NBEA: variants seen among roughly 807,000 people sequenced by gnomAD.
NBEA encodes the protein lysosomal-trafficking regulator 2.
In NBEA, 44 loss-of-function variants were observed where a neutral mutation model predicts 343.4. That is an observed-to-expected ratio of 0.13 (90% CI 0.10 to 0.16). The LOEUF is 0.16. Ranked by LOEUF, NBEA falls within the 10% of genes least tolerant of loss-of-function variation. The probability of loss-of-function intolerance (pLI) is 1.00; values close to 1 mark genes in which losing one functional copy is unlikely to be tolerated. For synonymous variants in NBEA, 1,175 were observed against 1,238.7 expected, an observed-to-expected ratio of 0.95 and a Z score of 1.08; for missense variants, 2,555 against 3,631.3, an observed-to-expected ratio of 0.70 and a Z score of 7.62.
rs1047080717 is a variant in NBEA at position 35,311,198 on chromosome 13, G to A, written c.5903+1606G>A. Among the ~76,000 whole-genome samples the A allele has an allele frequency of 4.6e-5, 7 of 152,066 alleles. No homozygotes were observed. The East Asian group carries it at 5.8e-4, about 13-fold the overall frequency. On this transcript the variant is annotated intron_variant, in intron 36 of 58. Transcript: ENST00000379939. ...TAAGAGTTACTAACAATTATTATCC[G>A]TTTTCAGGTGATGAATAAACAGAAA...
chr13:35,545,750 T>C (rs572738922), intron 41 of NBEA, among the ~76,000 whole-genome samples: 1 of 152,304 alleles, frequency 6.6e-6, no homozygotes, highest in South Asian at 2.1e-4. Flanking sequence ...CCTTTCATTG[T>C]AAAGGTAGTG....
intron 41 of NBEA, among the ~76,000 whole-genome samples, chr13:35,496,699 CTG>C (rs1432709470): frequency 1.3e-5 from 2 of 150,960 alleles, no homozygotes; most frequent in African/African-American, 4.9e-5. Flanking sequence ...TTTTTAATAG[CTG>C]TTCTTCTAGC....
intron 38 of NBEA, among the ~76,000 whole-genome samples, chr13:35,381,731 T>C (rs2042021437): frequency 6.6e-6 from 1 of 151,998 alleles, no homozygotes; most frequent in African/African-American, 2.4e-5. Context: ...TAAGGAAATA[T>C]ATCTTGAGAG....
chr13:35,475,133 C>G, intron 41 of NBEA: 2 of 1,614,060 alleles, frequency 1.2e-6, no homozygotes. Context: ...GCAGCGTTTT[C>G]CAGAGCTGAG....
At chr13:35,246,763 G>C (rs535346336) in intron 34 of NBEA, among the ~76,000 whole-genome samples, 9 of 152,338 alleles carry the variant, frequency 5.9e-5, no homozygotes, top group African/African-American at 2.2e-4. Flanking sequence ...CTGGCTGGCA[G>C]GAGGTGGTGC....
chr13:35,333,510 C>T (rs768080224), intron 36 of NBEA, among the ~76,000 whole-genome samples: 54 of 152,052 alleles, frequency 3.6e-4, no homozygotes, highest in South Asian at 8.3e-4. Flanking sequence ...GGGTATCCAG[C>T]GCCTCAGGCA....
chr13:35,651,165 T>C (rs1363798665), intron 52 of NBEA, among the ~76,000 whole-genome samples: 1 of 152,244 alleles, frequency 6.6e-6, no homozygotes, highest in African/African-American at 2.4e-5. Flanking sequence ...ATATATTGTA[T>C]AATCACGTGT....
chr13:34,996,346 A>G (rs1049137518), intron 1 of NBEA, among the ~76,000 whole-genome samples: 9 of 152,166 alleles, frequency 5.9e-5, no homozygotes, highest in Non-Finnish European at 1.3e-4. Flanking sequence ...TTTACATCCC[A>G]TGATAGATAC....
chr13:35,522,431 G>GCACTCCA (rs1195017590), intron 41 of NBEA, among the ~76,000 whole-genome samples: 1 of 121,262 alleles, frequency 8.2e-6, no homozygotes, highest in African/African-American at 3.2e-5. Context: ...TCACACCACT[G>GCACTCCA]CACTCCACAC....
chr13:35,522,151 T>C (rs937347927), intron 41 of NBEA, among the ~76,000 whole-genome samples: 2 of 151,896 alleles, frequency 1.3e-5, no homozygotes, highest in Admixed American at 6.6e-5. Context: ...CAGCAGCATT[T>C]GCTATAGGAT....
chr13:35,420,957 G>T (rs1017614781), intron 38 of NBEA, among the ~76,000 whole-genome samples: 2 of 151,428 alleles, frequency 1.3e-5, no homozygotes, highest in African/African-American at 2.4e-5. Flanking sequence ...CTTTGTTTTT[G>T]TTAATTTTTC....
intron 1 of NBEA, among the ~76,000 whole-genome samples, chr13:34,980,967 A>G (rs1374290355): frequency 1.3e-5 from 2 of 152,180 alleles, no homozygotes; most frequent in Non-Finnish European, 2.9e-5. Context: ...TGTTTTTAGC[A>G]TACAATTCAA....
At position 35,262,708 on chromosome 13, in the gene NBEA, G is replaced by A. The variant is rs942579053; in HGVS notation, c.5777-27681G>A. Among the ~76,000 whole-genome samples the A allele has an allele frequency of 2.0e-5, 3 of 152,224 alleles. 1 individual carries two copies. Among genetic ancestry groups the A allele is most frequent in the Non-Finnish European group, 4.4e-5 (3 of 68,052 alleles). The stretch of plus-strand genomic sequence containing the variant: ...AGACTTCCAAGGATTCCTTCAGGCA[G>A]TGGAGCTATTGTGTGTTGATTGTGG... On this transcript the variant is annotated intron_variant, in intron 34 of 58. Coordinates refer to ENST00000379939, the MANE Select transcript of NBEA (RefSeq NM_001385012.1).
intron 10 of NBEA, among the ~76,000 whole-genome samples, chr13:35,084,794 G>C (rs919362182): frequency 1.3e-5 from 2 of 152,060 alleles, no homozygotes; most frequent in Admixed American, 6.6e-5. Flanking sequence ...GAATCCAGGA[G>C]CTGGTTTTTT....
At chr13:35,286,447 A>G (rs2035431384) in intron 34 of NBEA, among the ~76,000 whole-genome samples, 1 of 152,116 alleles carries the variant, frequency 6.6e-6, no homozygotes, top group Admixed American at 6.6e-5. Context: ...GATTAGTTCC[A>G]TATAAGAGCA....
At chr13:35,049,908 G>A (rs1038913005) in intron 5 of NBEA, among the ~76,000 whole-genome samples, 1 of 151,424 alleles carries the variant, frequency 6.6e-6, no homozygotes, top group Non-Finnish European at 1.5e-5. Context: ...GAATTAGAGA[G>A]CAGGTTGTTA....
At chr13:35,195,730 T>G in intron 30 of NBEA, 134 bp from the exon 31 acceptor site, 1 of 713,182 alleles carries the variant, frequency 1.4e-6, no homozygotes, top group Non-Finnish European at 2.3e-6. Flanking sequence ...GTGTTACTAC[T>G]ATGCACATCC....
At chr13:34,949,627 T>C (rs2059291041) in intron 1 of NBEA, among the ~76,000 whole-genome samples, 1 of 152,176 alleles carries the variant, frequency 6.6e-6, no homozygotes, top group Non-Finnish European at 1.5e-5. Context: ...TGATATATGG[T>C]TTATGCTTTG....
At chr13:35,639,876 T>C (rs2083860182) in intron 49 of NBEA, among the ~76,000 whole-genome samples, 1 of 151,776 alleles carries the variant, frequency 6.6e-6, no homozygotes, top group African/African-American at 2.4e-5. Flanking sequence ...GCCTGTATTA[T>C]TAGCTCCTTC....
Sources: allele counts gnomAD v4.1 joint callset (sites outside exome capture counted in the v4.1 genomes callset), GRCh38; gene constraint gnomAD v4.1.1; transcripts MANE v1.5; gene names NCBI Gene and HGNC (gene_info 2026-07-23, HGNC 2026-07-21).